AGMO: variants seen among roughly 807,000 people sequenced by gnomAD.
AGMO encodes the protein glyceryl-ether monooxygenase.
In AGMO, 75 loss-of-function variants were observed where a neutral mutation model predicts 60.2. That is an observed-to-expected ratio of 1.25 (90% confidence interval 1.03 to 1.51). The LOEUF (loss-of-function observed/expected upper bound fraction) is 1.51. Ranked by LOEUF, AGMO falls within the 40% of genes most tolerant of loss-of-function variation. The probability of loss-of-function intolerance (pLI) is 0.00; values close to 1 mark genes in which losing one functional copy is unlikely to be tolerated. For synonymous variants in AGMO, 261 were observed against 177.1 expected (o/e 1.47, Z -3.76); for missense variants, 763 against 525.5 (o/e 1.45, Z -4.42).
chr7:15,142,822 T>C, the AGMO span, among the ~76,000 whole-genome samples: 455 of 152,298 alleles, frequency 3.0e-3, 1 homozygote, highest in African/African-American at 0.01. Context: ...TCTGCTAATA[T>C]ATACTTAATA....
chr7:15,266,901 A>G (rs572184884), intron 12 of AGMO, among the ~76,000 whole-genome samples: 1 of 152,078 alleles, frequency 6.6e-6, no homozygotes, highest in South Asian at 2.1e-4. Context: ...GTAATCTCAA[A>G]CTAGACTAGC....
chr7:15,428,349 C>T (rs939507656), intron 4 of AGMO, among the ~76,000 whole-genome samples: 2 of 152,120 alleles, frequency 1.3e-5, no homozygotes, highest in Non-Finnish European at 2.9e-5. Flanking sequence ...TGCAAGTTCC[C>T]GCAGTCCCCT....
chr7:15,365,047 T>C (rs940355456), intron 12 of AGMO, among the ~76,000 whole-genome samples: 1 of 152,006 alleles, frequency 6.6e-6, no homozygotes, highest in Non-Finnish European at 1.5e-5. Context: ...ATTTTTCAGC[T>C]GTAGAAAAAT....
At chr7:15,369,338 G>A (rs1184009514) in intron 10 of AGMO, among the ~76,000 whole-genome samples, 1 of 151,786 alleles carries the variant, frequency 6.6e-6, no homozygotes, top group Non-Finnish European at 1.5e-5. Flanking sequence ...AACCCTCCAG[G>A]GGCTCACTCA....
intron 12 of AGMO, among the ~76,000 whole-genome samples, chr7:15,303,003 C>A (rs897016925): frequency 2.6e-5 from 4 of 152,076 alleles, no homozygotes; most frequent in Admixed American, 6.6e-5. Context: ...TCTAAAGGAT[C>A]TTGAAAGCTG....
At chr7:15,555,663 A>G (rs894646372) in intron 2 of AGMO, among the ~76,000 whole-genome samples, 1 of 151,992 alleles carries the variant, frequency 6.6e-6, no homozygotes, top group Non-Finnish European at 1.5e-5. Flanking sequence ...GATAGATTTG[A>G]AAGAAATGAA....
At chr7:15,531,593 A>T in intron 3 of AGMO, among the ~76,000 whole-genome samples, 1 of 121,348 alleles carries the variant, frequency 8.2e-6, no homozygotes, top group South Asian at 2.3e-4. Context: ...TTCTATATAT[A>T]TTCTATATAT....
intron 12 of AGMO, among the ~76,000 whole-genome samples, chr7:15,279,237 G>C (rs2128517876): frequency 6.6e-6 from 1 of 152,234 alleles, no homozygotes; most frequent in East Asian, 1.9e-4. Context: ...TCCCTTCCCT[G>C]CATTAGGGGT....
chr7:15,413,493 G>GT (rs1311768398), intron 5 of AGMO, among the ~76,000 whole-genome samples: 1 of 152,040 alleles, frequency 6.6e-6, no homozygotes, highest in Non-Finnish European at 1.5e-5. Context: ...CCAGATTAAT[G>GT]TTTTTTAAAT....
intron 3 of AGMO, among the ~76,000 whole-genome samples, chr7:15,463,251 G>A: frequency 6.6e-6 from 1 of 152,082 alleles, no homozygotes; most frequent in East Asian, 1.9e-4. Flanking sequence ...CATAAGTAGA[G>A]GTAATGGACA....
chr7:15,252,832 T>C lies in AGMO; in HGVS notation c.1264-51473A>G, dbSNP rs544143583. On this transcript the variant is annotated intron_variant, in intron 12 of 12. Transcript: ENST00000342526. ...AAAAGAAAGAATCAGTAACAGATACTGAAAAAGGGTGGGCGGGGGCAGTAA... is the reference window on the plus strand; with the variant it reads ...AAAAGAAAGAATCAGTAACAGATACCGAAAAAGGGTGGGCGGGGGCAGTAA... Among the ~76,000 whole-genome samples the C allele has an allele frequency of 3.2e-4, 49 of 152,068 alleles. No homozygotes were observed. In the South Asian group the frequency reaches 0.01, roughly 32 times the overall value.
intron 12 of AGMO, among the ~76,000 whole-genome samples, chr7:15,281,361 T>C (rs1169685536): frequency 2.0e-5 from 3 of 152,150 alleles, no homozygotes; most frequent in Non-Finnish European, 4.4e-5. Flanking sequence ...ATAGACAGCC[T>C]TTCTGGAATA....
intron 12 of AGMO, among the ~76,000 whole-genome samples, chr7:15,215,581 G>A (rs1781713011): frequency 6.6e-6 from 1 of 151,986 alleles, no homozygotes; most frequent in Admixed American, 6.6e-5. Flanking sequence ...TATTGTTTTG[G>A]TACTATATGG....
intron 3 of AGMO, among the ~76,000 whole-genome samples, chr7:15,528,228 T>C (rs973832628): frequency 6.6e-6 from 1 of 152,102 alleles, no homozygotes; most frequent in African/African-American, 2.4e-5. Flanking sequence ...GATTAAAGTA[T>C]ATATATATTG....
At chr7:15,271,862 G>A (rs1412258033) in intron 12 of AGMO, among the ~76,000 whole-genome samples, 3 of 151,932 alleles carry the variant, frequency 2.0e-5, no homozygotes, top group South Asian at 2.1e-4. Flanking sequence ...GTTTGTGGAG[G>A]GTTTTTAACA....
the AGMO span, among the ~76,000 whole-genome samples, chr7:15,161,305 A>T: frequency 6.6e-6 from 1 of 152,286 alleles, no homozygotes; most frequent in African/African-American, 2.4e-5. Context: ...AAGAAAAAAG[A>T]CAAATGTTCC....
At chr7:15,382,274 G>T (rs1427131731) in intron 10 of AGMO, among the ~76,000 whole-genome samples, 2 of 152,210 alleles carry the variant, frequency 1.3e-5, no homozygotes, top group Admixed American at 6.5e-5. Flanking sequence ...TACACAATTG[G>T]ATGCCCAGCC....
At chr7:15,496,550 C>CAA (rs5882517) in intron 3 of AGMO, among the ~76,000 whole-genome samples, 324 of 149,108 alleles carry the variant, frequency 2.2e-3, no homozygotes, top group Admixed American at 4.3e-3. Flanking sequence ...GCTGAGGAAT[C>CAA]AAAAAAAAAA....
the AGMO span, among the ~76,000 whole-genome samples, chr7:15,151,264 C>T: frequency 6.6e-6 from 1 of 152,000 alleles, no homozygotes; most frequent in Non-Finnish European, 1.5e-5. Flanking sequence ...TTTATTCATT[C>T]AAAGAACAAA....
Sources: allele counts gnomAD v4.1 joint callset (sites outside exome capture counted in the v4.1 genomes callset), GRCh38; gene constraint gnomAD v4.1.1; transcripts MANE v1.5; gene names NCBI Gene and HGNC (gene_info 2026-07-23, HGNC 2026-07-21).